TSPAN3: variants seen among roughly 807,000 people sequenced by gnomAD.
The protein encoded by TSPAN3 is tetraspanin 3.
A neutral mutation model predicts 31.1 loss-of-function variants in TSPAN3; 9 were observed. The observed-to-expected ratio is 0.29, with a 90% confidence interval of 0.17 to 0.50. The LOEUF (loss-of-function observed/expected upper bound fraction) is 0.50, where lower values mean the gene tolerates loss of function less well. Among genes scored for constraint, TSPAN3 ranks in the 20% least tolerant of loss-of-function variants. The pLI, the probability that TSPAN3 is intolerant of heterozygous loss-of-function variation, is 0.98. For missense variants in TSPAN3, 252 were observed against 313.5 expected (o/e 0.80, Z 1.48); for synonymous variants, 129 against 114.3 (o/e 1.13, Z -0.82).
At position 77,043,502 on chromosome 15, in the gene TSPAN3, T is replaced by TG. The variant is rs1243281370; in HGVS notation, c.*3332dup. ...CTGAGAGGCCGCGTGACGCAGGTAG[T>TG]GGTTCAGCCACCTGGAATGCAAAAC... On this transcript the variant is annotated 3_prime_UTR_variant, in exon 7 of 7. Transcript: ENST00000267970. The TG allele has an allele frequency of 4.6e-5, 7 of 152,186 alleles. No homozygotes were observed. Among genetic ancestry groups the TG allele is most frequent in the African/African-American group, 1.7e-4 (7 of 41,440 alleles). 9.4% of individuals were successfully genotyped at this position (152,186 alleles called of 1,614,324 possible). A position where few individuals can be genotyped will look rare whatever the true frequency, so the allele number is the denominator to read the frequency against.
chr15:77,061,280 C>A (rs2076799118), intron 1 of TSPAN3, among the ~76,000 whole-genome samples: 1 of 152,182 alleles, frequency 6.6e-6, no homozygotes, highest in African/African-American at 2.4e-5. Flanking sequence ...GTAATCCCAG[C>A]ACTTTGGGAG....
At chr15:77,058,609 A>T (rs1037640827) in intron 1 of TSPAN3, among the ~76,000 whole-genome samples, 27 of 152,342 alleles carry the variant, frequency 1.8e-4, no homozygotes, top group African/African-American at 6.0e-4. Context: ...ACACCTTGAG[A>T]GCACGAATTG....
intron 1 of TSPAN3, among the ~76,000 whole-genome samples, chr15:77,058,752 TTTGGTTTGTATTTGCG>T (rs1394205211): frequency 6.6e-6 from 1 of 152,190 alleles, no homozygotes; most frequent in Non-Finnish European, 1.5e-5. Flanking sequence ...TATCATAAGC[TTTGGTTTGTATTTGCG>T]TTGGTTTGTA....
chr15:77,058,260 G>C (rs1436634883), intron 1 of TSPAN3, among the ~76,000 whole-genome samples: 1 of 152,196 alleles, frequency 6.6e-6, no homozygotes, highest in Admixed American at 6.5e-5. Context: ...GATGAGGCAA[G>C]TGAGTCCCCG....
At chr15:77,051,265 C>T (rs1263110883) in intron 6 of TSPAN3, among the ~76,000 whole-genome samples, 1 of 151,940 alleles carries the variant, frequency 6.6e-6, no homozygotes, top group Admixed American at 6.6e-5. Context: ...CGATGGCTCA[C>T]GTCTATAATC....
chr15:77,052,407 G>A lies in TSPAN3; in HGVS notation c.647C>T (p.Ala216Val), dbSNP rs2152695685. 1 of 1,614,186 alleles carries A rather than the reference G, an allele frequency of 6.2e-7. No individual in the cohort carries two copies. The highest frequency in any genetic ancestry group is 8.5e-7 in the Non-Finnish European group (1 of 1,180,024). The change falls in exon 6 of 7, where the codon GCA becomes GTA. Residue 216 changes from alanine (A) to valine (V), a missense_variant. Ala to Val is a moderately conservative substitution (Grantham distance 64). Coordinates refer to ENST00000267970, the MANE Select transcript of TSPAN3 (RefSeq NM_005724.6). Reference sequence around the variant, plus strand: ...TACCTGAATAGCTGCAAATGCCAGTGCGGCCCAGATCACATGCATCATGAT... The same window carrying A: ...TACCTGAATAGCTGCAAATGCCAGTACGGCCCAGATCACATGCATCATGAT... Reference protein sequence around the residue: ...QEIMMHVIWAALAFAAIQLLG... With the variant: ...QEIMMHVIWAVLAFAAIQLLG...
Position 77,041,785 on chromosome 15 carries a change from C to G in TSPAN3, c.*5050G>C, listed in dbSNP as rs1256518897. 4 of 152,176 alleles carry G rather than the reference C, an allele frequency of 2.6e-5. No homozygotes were observed. Among genetic ancestry groups the G allele is most frequent in the Non-Finnish European group, 5.9e-5 (4 of 68,036 alleles). The allele number at this position is 152,176 out of a possible 1,614,324, so 9.4% of individuals were successfully genotyped here. On this transcript the variant is annotated 3_prime_UTR_variant, in exon 7 of 7. Transcript: ENST00000267970. ...ACAGGGTGATGAAAGTGCTTTGAAA[C>G]TAGATACAGGCAGTGGTTCTATAGC...
intron 1 of TSPAN3, among the ~76,000 whole-genome samples, chr15:77,059,441 A>C (rs531960632): frequency 1.6e-4 from 24 of 152,002 alleles, no homozygotes; most frequent in Non-Finnish European, 3.4e-4. Context: ...ACTACTTAAC[A>C]CTCTTCCCAA....
In TSPAN3 at chr15:77,041,478, C is replaced by G. The variant is rs1294894416; in HGVS notation, c.*5357G>C. 9.9e-5 allele frequency: 15 copies of G among 151,472 alleles called. No homozygotes were observed. The highest frequency in any genetic ancestry group is 9.9e-4 in the Admixed American group (15 of 15,182). The allele number at this position is 151,472 out of a possible 1,614,324, so 9.4% of individuals were successfully genotyped here. A position where few individuals can be genotyped will look rare whatever the true frequency, so the allele number is the denominator to read the frequency against. ...TCGGCTCACTGCAACCTCTGCCTCCCGGTTCAAGCGATTCTCCTGCCTCAG... is the reference window on the plus strand; with the variant it reads ...TCGGCTCACTGCAACCTCTGCCTCCGGGTTCAAGCGATTCTCCTGCCTCAG... On this transcript the variant is annotated 3_prime_UTR_variant, in exon 7 of 7. Coordinates refer to ENST00000267970, the MANE Select transcript of TSPAN3 (RefSeq NM_005724.6).
intron 1 of TSPAN3, among the ~76,000 whole-genome samples, chr15:77,060,168 A>G (rs1162581096): frequency 3.9e-5 from 6 of 152,072 alleles, no homozygotes; most frequent in African/African-American, 1.5e-4. Context: ...CTATTTGGCA[A>G]CATATAGTTA....
intron 1 of TSPAN3, among the ~76,000 whole-genome samples, chr15:77,070,541 C>A (rs1393405773): frequency 6.6e-6 from 1 of 151,998 alleles, no homozygotes; most frequent in Non-Finnish European, 1.5e-5. Flanking sequence ...CGACGTCCTG[C>A]TACAGTCTGC....
intron 6 of TSPAN3, among the ~76,000 whole-genome samples, chr15:77,050,563 C>CATAT (rs2076723947): frequency 6.6e-6 from 1 of 152,144 alleles, no homozygotes; most frequent in Non-Finnish European, 1.5e-5. Flanking sequence ...TTTTATCAGT[C>CATAT]TTCTATATAC....
intron 1 of TSPAN3, among the ~76,000 whole-genome samples, chr15:77,068,676 T>G (rs893819114): frequency 1.3e-5 from 2 of 152,220 alleles, no homozygotes; most frequent in Non-Finnish European, 2.9e-5. Context: ...TTATTTTTCC[T>G]TTTAAAAAAG....
chr15:77,058,489 C>A (rs572778703), intron 1 of TSPAN3, among the ~76,000 whole-genome samples: 1 of 152,362 alleles, frequency 6.6e-6, no homozygotes, highest in South Asian at 2.1e-4. Context: ...CCATTCTTGA[C>A]CATTTCAGGC....
In TSPAN3 at chr15:77,070,948, G is replaced by C; in HGVS notation, c.7C>G (p.Gln3Glu). Residue 3 changes from glutamine (Q) to glutamate (E), a missense_variant, in exon 1 of 7, where the codon CAG becomes GAG. Coordinates refer to ENST00000267970, the MANE Select transcript of TSPAN3 (RefSeq NM_005724.6). ...GTCTTGGAGGAGGTGATGCCGCACT[G>C]GCCCATGGCGCCGGTGGCCCGCGAA... MG[Q>E]CGITSSKTVL... 7.0e-7 allele frequency: 1 copy of C among 1,437,758 alleles called. No individual in the cohort carries two copies. The highest frequency in any genetic ancestry group is 9.2e-7 in the Non-Finnish European group (1 of 1,088,094). The allele number at this position is 1,437,758 out of a possible 1,614,324, so 89.1% of individuals were successfully genotyped here.
chr15:77,053,438 A>C (rs1374118878), intron 4 of TSPAN3, among the ~76,000 whole-genome samples: 1 of 132,918 alleles, frequency 7.5e-6, no homozygotes, highest in Non-Finnish European at 1.6e-5. Flanking sequence ...ACAAGAGTGA[A>C]ATTTCGCCAT....
intron 1 of TSPAN3, among the ~76,000 whole-genome samples, chr15:77,058,507 G>T (rs756274554): frequency 6.6e-6 from 1 of 152,200 alleles, no homozygotes; most frequent in African/African-American, 2.4e-5. Context: ...GGCTGGATTA[G>T]CTGCCCTTGG....
At chr15:77,050,467 T>A (rs905353225) in intron 6 of TSPAN3, among the ~76,000 whole-genome samples, 11 of 152,200 alleles carry the variant, frequency 7.2e-5, no homozygotes, top group Non-Finnish European at 8.8e-5. Flanking sequence ...AAATATTTAT[T>A]AGCCCCTATT....
chr15:77,051,519 ACT>A lies in TSPAN3; in HGVS notation c.669+864_669+865del, dbSNP rs200313392. On this transcript the variant is annotated intron_variant, in intron 6 of 6. Transcript: ENST00000267970. ...CTCTAGCCTGGGCAACAAAAGCAAA[ACT>A]CTGTCGTAAAAAAAAAAAAAAGAAA... is the stretch of plus-strand genomic sequence containing the variant. 5.7e-3 allele frequency among the ~76,000 whole-genome samples: 849 copies of A among 149,782 alleles called. 33 individuals carry two copies. The highest frequency in any genetic ancestry group is 0.052 in the Admixed American group (784 of 15,014).
Sources: gnomAD v4.1 joint callset for allele counts (sites outside exome capture counted in the v4.1 genomes callset) on GRCh38, gnomAD v4.1.1 for gene constraint, MANE v1.5 for transcripts, NCBI Gene and HGNC (gene_info 2026-07-23, HGNC 2026-07-21) for gene names.